FNBP4: variants seen among roughly 807,000 people sequenced by gnomAD.
The protein encoded by FNBP4 is formin-binding protein 4.
FNBP4 carries 34 observed loss-of-function variants against 119.3 expected under a neutral mutation model. The ratio of observed to expected loss-of-function variants is 0.28; its 90% CI spans 0.22 to 0.38. The LOEUF is 0.38. Ranked by LOEUF, FNBP4 falls within the 10% of genes least tolerant of loss-of-function variation. The pLI, the probability that FNBP4 is intolerant of heterozygous loss-of-function variation, is 1.00. For synonymous variants in FNBP4, 462 were observed against 430.6 expected, an observed-to-expected ratio of 1.07 and a Z score of -0.90; for missense variants, 1,112 against 1,228.9, an observed-to-expected ratio of 0.90 and a Z score of 1.42.
At chr11:47,742,405 G>A (rs2097583279) in intron 8 of FNBP4, among the ~76,000 whole-genome samples, 1 of 143,272 alleles carries the variant, frequency 7.0e-6, no homozygotes, top group Non-Finnish European at 1.5e-5. Context: ...TTGACCCCGG[G>A]AGGTGGAGGT....
chr11:47,755,372 T>C (rs1440301945), intron 2 of FNBP4, among the ~76,000 whole-genome samples: 1 of 145,946 alleles, frequency 6.9e-6, no homozygotes, highest in South Asian at 2.2e-4. Context: ...TTGCTTGAAC[T>C]CGGGAGGCGG....
chr11:47,738,323 T>C (rs1232370750), intron 8 of FNBP4, among the ~76,000 whole-genome samples: 6 of 152,068 alleles, frequency 3.9e-5, no homozygotes, highest in African/African-American at 1.4e-4. Flanking sequence ...TCCCAGCACT[T>C]TGGGAGGCCG....
chr11:47,733,835 G>A (rs779289588), intron 10 of FNBP4, among the ~76,000 whole-genome samples, 190 bp downstream of exon 10: 1 of 151,968 alleles, frequency 6.6e-6, no homozygotes, highest in Non-Finnish European at 1.5e-5. Context: ...TTTAATTTGT[G>A]AGAAAAAAGT....
chr11:47,743,440 G>A (rs544546325), intron 8 of FNBP4, among the ~76,000 whole-genome samples: 2 of 152,132 alleles, frequency 1.3e-5, no homozygotes, highest in South Asian at 4.1e-4. Flanking sequence ...CCAAGATCAT[G>A]CCTTTGTACT....
chr11:47,760,217 T>C (rs1235706329), intron 2 of FNBP4, among the ~76,000 whole-genome samples: 1 of 151,554 alleles, frequency 6.6e-6, no homozygotes, highest in East Asian at 1.9e-4. Context: ...TTAAGCCTAG[T>C]GTTTGTGAGA....
intron 2 of FNBP4, among the ~76,000 whole-genome samples, chr11:47,764,694 A>C (rs1227334592): frequency 6.6e-6 from 1 of 152,164 alleles, no homozygotes; most frequent in Non-Finnish European, 1.5e-5. Flanking sequence ...GAGTAGAGAA[A>C]ATTAACATTC....
At chr11:47,733,865 T>A (rs2097570431) in intron 10 of FNBP4, among the ~76,000 whole-genome samples, 160 bp downstream of exon 10, 2 of 152,212 alleles carry the variant, frequency 1.3e-5, no homozygotes, top group Non-Finnish European at 2.9e-5. Flanking sequence ...GTGCTTTGGT[T>A]AACACAGTTT....
intron 7 of FNBP4, 55 bp downstream of exon 7, chr11:47,746,001 C>T: frequency 7.3e-7 from 1 of 1,366,480 alleles, no homozygotes; most frequent in Non-Finnish European, 1.0e-6. Context: ...CACAATGATC[C>T]CTGTAGAGTA....
chr11:47,743,099 G>C (rs1316946264), intron 8 of FNBP4, among the ~76,000 whole-genome samples: 1 of 151,918 alleles, frequency 6.6e-6, no homozygotes, highest in Non-Finnish European at 1.5e-5. Context: ...AGCAGCACTG[G>C]GCTGTTTTTG....
intron 4 of FNBP4, among the ~76,000 whole-genome samples, chr11:47,752,286 G>T (rs569230436): frequency 6.6e-6 from 1 of 151,550 alleles, no homozygotes; most frequent in Non-Finnish European, 1.5e-5. Context: ...TTTGCTGGGC[G>T]TGGTGGTGGG....
chr11:47,742,851 T>C (rs529056559), intron 8 of FNBP4, among the ~76,000 whole-genome samples: 12 of 151,922 alleles, frequency 7.9e-5, no homozygotes, highest in Non-Finnish European at 1.0e-4. Flanking sequence ...GACTGCACCA[T>C]TGCACTCCAG....
Position 47,744,153 on chromosome 11 carries a change from C to G in FNBP4, c.1256G>C (p.Arg419Pro). Residue 419 changes from arginine (R) to proline (P), a missense_variant, in exon 8 of 17, where the codon CGA (arginine) becomes CCA (proline). Around this residue, in one of 2 missense-constraint regions of FNBP4, gnomAD observed 826 missense variants for 988.8 expected, o/e 0.84. Transcript: ENST00000263773. ...ACTACCATCTCCTTCCTCCAAGGCT[C>G]GCAACTCTGCCTACAAAGAACATGA... is the stretch of plus-strand genomic sequence containing the variant. ...LVLERKKAEL[R>P]ALEEGDGSVS... 1 of 1,613,954 alleles carries G rather than the reference C, an allele frequency of 6.2e-7. No individual in the cohort carries two copies. Among genetic ancestry groups the G allele is most frequent in the Non-Finnish European group, 8.5e-7 (1 of 1,179,934 alleles).
Position 47,734,040 on chromosome 11 carries a change from C to G in FNBP4, c.1671G>C (p.Leu557=), listed in dbSNP as rs2097570747. Reference sequence around the variant, plus strand: ...AAAGACTTACCTCAGTCTGTAAGAGCAGCACATGAAAGTTGGAGATGGATT... The same window carrying G: ...AAAGACTTACCTCAGTCTGTAAGAGGAGCACATGAAAGTTGGAGATGGATT... ...NRQSISNFHV[L]LLQTETRIAD... Residue 557 remains leucine, a synonymous_variant, in exon 10 of 17, where the codon CTG becomes CTC. Coordinates refer to ENST00000263773, the MANE Select transcript of FNBP4 (RefSeq NM_015308.5). The G allele has an allele frequency of 6.5e-7, 1 of 1,532,152 alleles. No individual in the cohort carries two copies. Among genetic ancestry groups the G allele is most frequent in the African/African-American group, 1.4e-5 (1 of 70,502 alleles). 94.9% of individuals were successfully genotyped at this position (1,532,152 alleles called of 1,614,324 possible).
At chr11:47,731,337 CA>C in intron 12 of FNBP4, 36 bp downstream of exon 12, 3 of 1,532,436 alleles carry the variant, frequency 2.0e-6, no homozygotes, top group Non-Finnish European at 2.6e-6. Flanking sequence ...CCTCTAAAGT[CA>C]TTTTGGCTGA....
At chr11:47,719,123 C>T (rs906653870) in intron 16 of FNBP4, among the ~76,000 whole-genome samples, 3 of 151,644 alleles carry the variant, frequency 2.0e-5, no homozygotes, top group Admixed American at 2.0e-4. Flanking sequence ...TTCCTGACCT[C>T]GTGATCCACC....
chr11:47,732,428 C>T lies in FNBP4; in HGVS notation c.1820+109G>A. Reference sequence around the variant, plus strand: ...TTTGCCTGCCCAGCACCGCTAACTGCAGCTGCTCTCAGTCTCCAGACAGGC... The same window carrying T: ...TTTGCCTGCCCAGCACCGCTAACTGTAGCTGCTCTCAGTCTCCAGACAGGC... On this transcript the variant is annotated intron_variant, in intron 11 of 16. Transcript: ENST00000263773. This position sits in a 1 kb window ranked among gnomAD's most constrained non-coding sequence, Gnocchi z 4.2. 6.4e-7 allele frequency: 1 copy of T among 1,562,268 alleles called. No individual in the cohort carries two copies. Among genetic ancestry groups the T allele is most frequent in the African/African-American group, 1.4e-5 (1 of 73,714 alleles).
intron 2 of FNBP4, among the ~76,000 whole-genome samples, chr11:47,762,969 C>T (rs1264133483): frequency 2.7e-5 from 4 of 147,910 alleles, no homozygotes; most frequent in African/African-American, 9.8e-5. Context: ...CTCTAGGATT[C>T]AAGTGATCCT....
intron 2 of FNBP4, among the ~76,000 whole-genome samples, chr11:47,758,311 A>C (rs901123855): frequency 6.6e-6 from 1 of 152,092 alleles, no homozygotes; most frequent in African/African-American, 2.4e-5. Context: ...CCTGGTCACA[A>C]GCCATCCTCC....
chr11:47,742,393 G>C (rs1209278556), intron 8 of FNBP4, among the ~76,000 whole-genome samples: 1 of 134,102 alleles, frequency 7.5e-6, no homozygotes, highest in Non-Finnish European at 1.6e-5. Context: ...GCAGAGAATT[G>C]CTTGACCCCG....
Sources: gnomAD v4.1 joint callset for allele counts (sites outside exome capture counted in the v4.1 genomes callset) on GRCh38, gnomAD v4.1.1 for gene constraint, gnomAD v4.1.1 regional missense constraint, Gnocchi (gnomAD v3.1) non-coding constraint, MANE v1.5 for transcripts, NCBI Gene and HGNC (gene_info 2026-07-23, HGNC 2026-07-21) for gene names.